CTNND2: variants seen among roughly 807,000 people sequenced by gnomAD.
The protein encoded by CTNND2 is catenin delta 2.
A neutral mutation model predicts 144.4 loss-of-function variants in CTNND2; 22 were observed. That is an observed-to-expected ratio of 0.15 (90% CI 0.11 to 0.22). CTNND2 has a LOEUF of 0.22. CTNND2 is among the 10% of genes least tolerant of loss of function. The pLI, the probability that CTNND2 is intolerant of heterozygous loss-of-function variation, is 1.00. For synonymous variants in CTNND2, 751 were observed against 695.6 expected (o/e 1.08, Z -1.25); for missense variants, 1,353 against 1,618.8 (o/e 0.84, Z 2.82).
intron 10 of CTNND2, among the ~76,000 whole-genome samples, chr5:11,208,843 G>A (rs976919280): frequency 1.3e-5 from 2 of 152,088 alleles, no homozygotes; most frequent in African/African-American, 4.8e-5. Flanking sequence ...TATTGGCTAC[G>A]AACATGATAG....
intron 7 of CTNND2, among the ~76,000 whole-genome samples, chr5:11,379,346 A>G (rs1758255745): frequency 6.6e-6 from 1 of 152,176 alleles, no homozygotes; most frequent in African/African-American, 2.4e-5. Context: ...ACTATGCATC[A>G]CGTACATTTA....
intron 2 of CTNND2, among the ~76,000 whole-genome samples, chr5:11,671,394 C>T (rs1174516262): frequency 1.3e-5 from 2 of 152,126 alleles, no homozygotes; most frequent in Non-Finnish European, 2.9e-5. Flanking sequence ...TCCATTATCC[C>T]TGTCACTTTC....
At chr5:11,634,968 T>C (rs76366889) in intron 2 of CTNND2, among the ~76,000 whole-genome samples, 3,797 of 151,954 alleles carry the variant, frequency 0.025, 166 homozygotes, top group African/African-American at 0.087. Flanking sequence ...GCAGAAGATA[T>C]AGGCAATAGG....
intron 2 of CTNND2, among the ~76,000 whole-genome samples, chr5:11,632,283 A>G (rs6865662): frequency 0.015 from 2,243 of 152,252 alleles, 58 homozygotes; most frequent in African/African-American, 0.051. Flanking sequence ...GGGGATGAAA[A>G]ATAAAAAGAG....
intron 7 of CTNND2, among the ~76,000 whole-genome samples, chr5:11,379,162 A>G (rs934398011): frequency 6.6e-6 from 1 of 152,240 alleles, no homozygotes; most frequent in African/African-American, 2.4e-5. Context: ...AAAGTGAACA[A>G]AAATTGGTAC....
At chr5:11,120,490 GCTGTCCGCAGGGGTA>G (rs1753997919) in intron 12 of CTNND2, among the ~76,000 whole-genome samples, 5 of 107,956 alleles carry the variant, frequency 4.6e-5, no homozygotes, top group East Asian at 2.6e-4. Flanking sequence ...GGGTTATCAT[GCTGTCCGCAGGGGTA>G]ATGAGGCTCA....
At chr5:11,247,101 T>G (rs114370624) in intron 9 of CTNND2, among the ~76,000 whole-genome samples, 2,002 of 152,266 alleles carry the variant, frequency 0.013, 45 homozygotes, top group Admixed American at 0.045. Context: ...GCCTAAAATC[T>G]TGCATTTCTT....
chr5:11,076,860 A>G (rs1220130989), intron 16 of CTNND2, among the ~76,000 whole-genome samples: 1 of 152,220 alleles, frequency 6.6e-6, no homozygotes, highest in Non-Finnish European at 1.5e-5. Flanking sequence ...CCTCTCATTA[A>G]AAGAATGATC....
chr5:11,558,858 A>G (rs1020074592), intron 3 of CTNND2, among the ~76,000 whole-genome samples: 1 of 152,174 alleles, frequency 6.6e-6, no homozygotes, highest in African/African-American at 2.4e-5. Context: ...CCTCATCTAT[A>G]TGACGTGAGA....
intron 7 of CTNND2, among the ~76,000 whole-genome samples, chr5:11,367,021 G>A (rs531875770): frequency 2.6e-4 from 40 of 152,228 alleles, no homozygotes; most frequent in African/African-American, 8.4e-4. Flanking sequence ...ATATTATTAC[G>A]AATATAATAA....
chr5:11,461,113 T>G (rs1303212996), intron 3 of CTNND2, among the ~76,000 whole-genome samples: 1 of 152,108 alleles, frequency 6.6e-6, no homozygotes, highest in Non-Finnish European at 1.5e-5. Flanking sequence ...TGGTTCTTTA[T>G]TTTCTTTCTC....
chr5:11,649,934 T>C (rs921130610), intron 2 of CTNND2, among the ~76,000 whole-genome samples: 3 of 151,876 alleles, frequency 2.0e-5, no homozygotes, highest in African/African-American at 7.3e-5. Context: ...CACAGAGAGG[T>C]CCCTTTAAAT....
chr5:11,389,175 C>A (rs1759382332), intron 6 of CTNND2, among the ~76,000 whole-genome samples: 1 of 152,142 alleles, frequency 6.6e-6, no homozygotes, highest in African/African-American at 2.4e-5. Flanking sequence ...TCAGTCTCAG[C>A]CTCGAGGGCA....
chr5:11,835,609 T>C (rs1179304305), intron 1 of CTNND2, among the ~76,000 whole-genome samples: 1 of 152,220 alleles, frequency 6.6e-6, no homozygotes, highest in African/African-American at 2.4e-5. Flanking sequence ...CAATTGTACA[T>C]AGTATTCCCT....
intron 9 of CTNND2, among the ~76,000 whole-genome samples, chr5:11,307,304 A>AGTGTGTGT (rs3033112): frequency 1.2e-3 from 169 of 146,526 alleles, no homozygotes; most frequent in Non-Finnish European, 1.6e-3. Flanking sequence ...AAGGTAGAGT[A>AGTGTGTGT]GTGTGTGTGT....
chr5:11,144,537 T>C (rs1757062186), intron 12 of CTNND2, among the ~76,000 whole-genome samples: 1 of 151,862 alleles, frequency 6.6e-6, no homozygotes, highest in Non-Finnish European at 1.5e-5. Context: ...AAGGGCTGAG[T>C]GAGTCAGGGT....
chr5:11,385,955 C>A (rs1256967708), intron 6 of CTNND2: 1 of 152,186 alleles, frequency 6.6e-6, no homozygotes, highest in African/African-American at 2.4e-5. Context: ...GGCTCCCAAT[C>A]TTTCAGCATC....
intron 2 of CTNND2, among the ~76,000 whole-genome samples, chr5:11,662,312 A>C (rs1783312865): frequency 6.7e-6 from 1 of 149,510 alleles, no homozygotes. Context: ...GAGAGGGTTT[A>C]TTAAGTAGTA....
At position 11,231,217 on chromosome 5, in the gene CTNND2, C is replaced by A. The variant is rs553662561; in HGVS notation, c.1761+5474G>T. On this transcript the variant is annotated intron_variant, in intron 10 of 21. Transcript: ENST00000304623. ...TCTCCAGTCCTGTGAGTCCATTAAA[C>A]CTCTTTTTTTAATAAATAACCCAGT... Among the ~76,000 whole-genome samples, 80 of 152,146 alleles carry A rather than the reference C, an allele frequency of 5.3e-4. No individual in the cohort carries two copies. In the Middle Eastern group the frequency reaches 0.01, roughly 19 times the overall value.
Sources: allele counts gnomAD v4.1 joint callset (sites outside exome capture counted in the v4.1 genomes callset), GRCh38; gene constraint gnomAD v4.1.1; transcripts MANE v1.5; gene names NCBI Gene and HGNC (gene_info 2026-07-23, HGNC 2026-07-21).